Variants in SHLD1 observed in about 807,000 individuals in gnomAD.
SHLD1 encodes shieldin complex subunit 1.
A neutral mutation model predicts 5.5 loss-of-function variants in SHLD1; 3 were observed. The ratio of observed to expected loss-of-function variants is 0.54; its 90% confidence interval spans 0.25 to 1.40. The LOEUF (loss-of-function observed/expected upper bound fraction) is 1.40, where lower values mean the gene tolerates loss of function less well. Among genes scored for constraint, SHLD1 ranks in the 40% most tolerant of loss-of-function variants. The pLI is 0.15. For synonymous variants in SHLD1, 92 were observed against 94.3 expected (o/e 0.98, Z 0.14); for missense variants, 210 against 244.4 (o/e 0.86, Z 0.94).
chr20:5,805,271 C>T (rs2087357125), intron 2 of SHLD1, among the ~76,000 whole-genome samples: 1 of 152,066 alleles, frequency 6.6e-6, no homozygotes. Flanking sequence ...GATTCTCCTG[C>T]CTCAGCCTCC....
At chr20:5,830,975 C>A (rs959413256) in intron 2 of SHLD1, among the ~76,000 whole-genome samples, 1 of 151,944 alleles carries the variant, frequency 6.6e-6, no homozygotes. Flanking sequence ...GCATTAGGCA[C>A]TTTGATATAC....
chr20:5,822,570 G>T (rs1238480885), intron 2 of SHLD1, among the ~76,000 whole-genome samples: 1 of 152,070 alleles, frequency 6.6e-6, no homozygotes, highest in African/African-American at 2.4e-5. Flanking sequence ...CTAAGTCCCA[G>T]CAGTGAGACA....
At chr20:5,819,661 A>C (rs1198879554) in intron 2 of SHLD1, among the ~76,000 whole-genome samples, 1 of 152,166 alleles carries the variant, frequency 6.6e-6, no homozygotes, top group Non-Finnish European at 1.5e-5. Flanking sequence ...GTTTCTACAA[A>C]AAATAAAAAA....
intron 2 of SHLD1, among the ~76,000 whole-genome samples, chr20:5,803,091 C>A (rs929407018): frequency 6.6e-6 from 1 of 152,182 alleles, no homozygotes; most frequent in Non-Finnish European, 1.5e-5. Context: ...GTATTTCAAT[C>A]CAGCATTCCT....
At chr20:5,821,401 T>C (rs1043144892) in intron 2 of SHLD1, among the ~76,000 whole-genome samples, 4 of 152,148 alleles carry the variant, frequency 2.6e-5, no homozygotes, top group Non-Finnish European at 4.4e-5. Context: ...TAATCCCAGC[T>C]GCTCAGGAGG....
At chr20:5,754,494 C>T (rs776655869) in intron 1 of SHLD1, among the ~76,000 whole-genome samples, 12 of 152,106 alleles carry the variant, frequency 7.9e-5, no homozygotes, top group Non-Finnish European at 1.3e-4. Flanking sequence ...TGTCTGACCT[C>T]CTTTCCCATT....
intron 2 of SHLD1, among the ~76,000 whole-genome samples, chr20:5,817,468 G>GTGTGTA (rs1555775139): frequency 3.0e-4 from 39 of 130,078 alleles, no homozygotes; most frequent in East Asian, 1.2e-3. Flanking sequence ...GTGTGTGTGT[G>GTGTGTA]TGTGTTGGGA....
intron 2 of SHLD1, among the ~76,000 whole-genome samples, chr20:5,837,950 T>A (rs1342549111): frequency 6.6e-6 from 1 of 152,210 alleles, no homozygotes; most frequent in Non-Finnish European, 1.5e-5. Flanking sequence ...TGTTCAAGGA[T>A]CAGCTGTAGT....
chr20:5,851,704 T>C (rs1015246603), intron 2 of SHLD1, among the ~76,000 whole-genome samples: 1 of 152,048 alleles, frequency 6.6e-6, no homozygotes, highest in Non-Finnish European at 1.5e-5. Context: ...TAACATGTAA[T>C]TGACATTTTT....
At chr20:5,812,635 C>T (rs2087474889) in intron 2 of SHLD1, among the ~76,000 whole-genome samples, 1 of 152,198 alleles carries the variant, frequency 6.6e-6, no homozygotes, top group African/African-American at 2.4e-5. Flanking sequence ...GTATTACTTT[C>T]ACCAGGTATT....
intron 2 of SHLD1, among the ~76,000 whole-genome samples, chr20:5,856,882 G>A (rs998592150): frequency 1.3e-5 from 2 of 152,172 alleles, no homozygotes; most frequent in Non-Finnish European, 2.9e-5. Context: ...TAAGTTTACT[G>A]GTATTGCTAC....
intron 2 of SHLD1, among the ~76,000 whole-genome samples, chr20:5,778,068 G>A (rs1985511948): frequency 2.0e-5 from 3 of 150,574 alleles, no homozygotes; most frequent in Non-Finnish European, 4.4e-5. Flanking sequence ...CCTGTTATCT[G>A]GCATATCTGG....
rs866905800 is a variant in SHLD1, at chr20:5,778,622, T to A, written c.178+5579T>A. Among the ~76,000 whole-genome samples the A allele has an allele frequency of 5.3e-3, 741 of 139,460 alleles. 11 individuals carry two copies. Among genetic ancestry groups the A allele is most frequent in the African/African-American group, 0.019 (678 of 36,442 alleles). The allele number at this position is 139,460 out of a possible 152,430, so 91.5% of individuals were successfully genotyped here. Reference sequence around the variant, plus strand: ...ACCTTGTCAAAAAAAAAAAAAAAAATAAGGACCAGATCACCCAGAGCTTCC... The same window carrying A: ...ACCTTGTCAAAAAAAAAAAAAAAAAAAAGGACCAGATCACCCAGAGCTTCC... On this transcript the variant is annotated intron_variant, in intron 2 of 2. Transcript: ENST00000303142.
rs918994098 is a variant in SHLD1 at position 5,801,159 on chromosome 20, C to A, written c.178+28116C>A. On this transcript the variant is annotated intron_variant, in intron 2 of 2. Transcript: ENST00000303142. ...GTGGTGCGATCTTGGCTCACTGCAA[C>A]CTCCATCTCCCAGGTTCAAGCCATT... 3.1e-4 allele frequency among the ~76,000 whole-genome samples: 47 copies of A among 151,696 alleles called. 1 individual carries two copies. The highest frequency in any genetic ancestry group is 9.2e-4 in the African/African-American group (38 of 41,346).
chr20:5,841,823 G>A (rs74438971), intron 2 of SHLD1, among the ~76,000 whole-genome samples: 2,897 of 152,318 alleles, frequency 0.019, 35 homozygotes, highest in Non-Finnish European at 0.026. Context: ...CCAAAAGAGT[G>A]TTTGGAATAG....
At chr20:5,780,389 G>T (rs1985632924) in intron 2 of SHLD1, among the ~76,000 whole-genome samples, 1 of 152,088 alleles carries the variant, frequency 6.6e-6, no homozygotes, top group Non-Finnish European at 1.5e-5. Context: ...TAGTCTTCTG[G>T]TGGCACAGCA....
At chr20:5,820,345 C>T (rs775155894) in intron 2 of SHLD1, among the ~76,000 whole-genome samples, 8 of 152,342 alleles carry the variant, frequency 5.3e-5, no homozygotes, top group East Asian at 3.9e-4. Context: ...GGATACTCAA[C>T]GGATACAAAA....
intron 2 of SHLD1, among the ~76,000 whole-genome samples, chr20:5,857,467 C>T (rs1041238037): frequency 3.9e-5 from 6 of 152,046 alleles, no homozygotes; most frequent in African/African-American, 1.4e-4. Context: ...ACCTAATAAG[C>T]CACATACTCC....
In SHLD1 at chr20:5,764,174, AT is replaced by A. The variant is rs34182994; in HGVS notation, c.-4-8683del. ...TATTTATATTTATATATATATATATATTTTTATATATATATATTTTATATAT... is the reference window on the plus strand; with the variant it reads ...TATTTATATTTATATATATATATATATTTTATATATATATATTTTATATAT... On this transcript the variant is annotated intron_variant, in intron 1 of 2. Transcript: ENST00000303142. Among the ~76,000 whole-genome samples the A allele has an allele frequency of 2.0e-4, 20 of 99,476 alleles. No homozygotes were observed. In the South Asian group the frequency reaches 3.9e-3, roughly 19 times the overall value. 65.3% of individuals were successfully genotyped at this position (99,476 alleles called of 152,430 possible). A position where few individuals can be genotyped will look rare whatever the true frequency, so the allele number is the denominator to read the frequency against.
Sources: gnomAD v4.1 joint callset for allele counts (sites outside exome capture counted in the v4.1 genomes callset) on GRCh38, gnomAD v4.1.1 for gene constraint, MANE v1.5 for transcripts, NCBI Gene and HGNC (gene_info 2026-07-23, HGNC 2026-07-21) for gene names.